NOVA1: variants seen among roughly 807,000 people sequenced by gnomAD.
NOVA1 encodes the protein NOVA alternative splicing regulator 1.
Under a neutral mutation model 38.0 loss-of-function variants are expected in NOVA1, and 7 were observed. That is an observed-to-expected ratio of 0.18 (90% confidence interval 0.10 to 0.35). The LOEUF (loss-of-function observed/expected upper bound fraction) is 0.35, where lower values mean the gene tolerates loss of function less well. Among genes scored for constraint, NOVA1 ranks in the 10% least tolerant of loss-of-function variants. The pLI is 1.00. For missense variants in NOVA1, 460 were observed against 616.0 expected (o/e 0.75, Z 2.68); for synonymous variants, 270 against 232.5 (o/e 1.16, Z -1.47).
At chr14:26,574,103 G>A (rs1892661382) in intron 2 of NOVA1, among the ~76,000 whole-genome samples, 1 of 143,422 alleles carries the variant, frequency 7.0e-6, no homozygotes, top group South Asian at 2.1e-4. Flanking sequence ...TCAGCTCACT[G>A]CAACCTCTGC....
At chr14:26,538,389 G>A (rs1594492937) in intron 2 of NOVA1, among the ~76,000 whole-genome samples, 1 of 151,808 alleles carries the variant, frequency 6.6e-6, no homozygotes, top group Non-Finnish European at 1.5e-5. Context: ...ATTTATTTTA[G>A]CAAAACTAAG....
chr14:26,567,780 T>A (rs1892224873), intron 2 of NOVA1, among the ~76,000 whole-genome samples: 1 of 152,214 alleles, frequency 6.6e-6, no homozygotes, highest in Admixed American at 6.5e-5. Flanking sequence ...ATGCTAACGA[T>A]CTGATAACAT....
chr14:26,498,793 G>T (rs1271247032), intron 2 of NOVA1, among the ~76,000 whole-genome samples: 2 of 152,284 alleles, frequency 1.3e-5, no homozygotes, highest in South Asian at 2.1e-4. Flanking sequence ...TTCTTTGATT[G>T]ATTGGAAAGG....
intron 2 of NOVA1, among the ~76,000 whole-genome samples, chr14:26,563,339 A>C (rs118012495): frequency 0.023 from 3,416 of 151,356 alleles, 130 homozygotes; most frequent in Admixed American, 0.1. Context: ...AAAAAAAAAA[A>C]CAGTAATAAT....
At position 26,466,298 on chromosome 14, in the gene NOVA1, C is replaced by T. The variant is rs535539170; in HGVS notation, c.519+6022G>A. Among the ~76,000 whole-genome samples the T allele has an allele frequency of 9.2e-5, 14 of 152,146 alleles. No individual in the cohort carries two copies. The South Asian group carries it at 1.9e-3, about 20-fold the overall frequency. Reference sequence around the variant, plus strand: ...TTTTGACATGTTGGCTTTTACTCAGCGAAACGGTAAACTATTTCAGGTGGC... The same window carrying T: ...TTTTGACATGTTGGCTTTTACTCAGTGAAACGGTAAACTATTTCAGGTGGC... On this transcript the variant is annotated intron_variant, in intron 4 of 4. Transcript: ENST00000539517.
At chr14:26,544,558 G>C (rs1890670369) in intron 2 of NOVA1, among the ~76,000 whole-genome samples, 1 of 151,768 alleles carries the variant, frequency 6.6e-6, no homozygotes, top group Admixed American at 6.6e-5. Context: ...CCCTCTTTGA[G>C]CAAGGTTGAT....
At chr14:26,519,242 C>T (rs1413115342) in intron 2 of NOVA1, 1 of 152,020 alleles carries the variant, frequency 6.6e-6, no homozygotes, top group Non-Finnish European at 1.5e-5. Flanking sequence ...TATTAAGTTA[C>T]ACTCACAAAT....
Position 26,500,747 on chromosome 14 carries a change from TTG to T in NOVA1, c.281-20606_281-20605del, listed in dbSNP as rs1019005776. Among the ~76,000 whole-genome samples, 6 of 152,114 alleles carry T rather than the reference TTG, an allele frequency of 3.9e-5. No homozygotes were observed. In the South Asian group the frequency reaches 1.0e-3, roughly 26 times the overall value. The stretch of plus-strand genomic sequence containing the variant: ...GTATTGTTTACAGTAAGAAATATAA[TTG>T]TGTTATATAATCATTTTGTTTTAAG... On this transcript the variant is annotated intron_variant, in intron 2 of 4. Transcript: ENST00000539517.
chr14:26,564,912 T>C (rs73601972), intron 2 of NOVA1, among the ~76,000 whole-genome samples: 9,090 of 152,232 alleles, frequency 0.06, 778 homozygotes, highest in African/African-American at 0.19. Flanking sequence ...TGGAAATCTT[T>C]CTAAAATGTA....
chr14:26,491,055 T>C (rs1327423511), intron 2 of NOVA1, among the ~76,000 whole-genome samples: 1 of 152,062 alleles, frequency 6.6e-6, no homozygotes, highest in African/African-American at 2.4e-5. Context: ...TTTCACCGTG[T>C]TAGCCAGGAT....
Position 26,504,348 on chromosome 14 carries a change from T to A in NOVA1, c.281-24205A>T, listed in dbSNP as rs114612773. 9.7e-3 allele frequency among the ~76,000 whole-genome samples: 1,482 copies of A among 152,318 alleles called. 23 individuals carry two copies. The highest frequency in any genetic ancestry group is 0.034 in the African/African-American group (1,409 of 41,570). ...CTTTGTATTTTCAATATACACACTTTTAATATGTAAATATAGAAACCTCAA... is the reference window on the plus strand; with the variant it reads ...CTTTGTATTTTCAATATACACACTTATAATATGTAAATATAGAAACCTCAA... On this transcript the variant is annotated intron_variant, in intron 2 of 4. Coordinates refer to ENST00000539517, the MANE Select transcript of NOVA1 (RefSeq NM_002515.3).
rs1163386210 is a variant in NOVA1, at chr14:26,590,731, T to G, written c.280+4679A>C. Reference sequence around the variant, plus strand: ...TAAGTATTGAACTATATCACCAACATGTTTAAACTATTCCTGAAATCCTTT... The same window carrying G: ...TAAGTATTGAACTATATCACCAACAGGTTTAAACTATTCCTGAAATCCTTT... On this transcript the variant is annotated intron_variant, in intron 2 of 4. Transcript: ENST00000539517. Among the ~76,000 whole-genome samples, 6 of 151,860 alleles carry G rather than the reference T, an allele frequency of 4.0e-5. No individual in the cohort carries two copies. The East Asian group carries it at 1.2e-3, about 29-fold the overall frequency.
chr14:26,511,597 C>T (rs1192838830), intron 2 of NOVA1, among the ~76,000 whole-genome samples: 1 of 151,942 alleles, frequency 6.6e-6, no homozygotes, highest in Non-Finnish European at 1.5e-5. Context: ...ACTAAAAATA[C>T]AAAAATTAGC....
chr14:26,448,239 T>G lies in NOVA1; in HGVS notation c.1244A>C (p.Lys415Thr). 1 of 1,614,238 alleles carries G rather than the reference T, an allele frequency of 6.2e-7. No individual in the cohort carries two copies. Among genetic ancestry groups the G allele is most frequent in the Non-Finnish European group, 8.5e-7 (1 of 1,180,042 alleles). Residue 415 changes from lysine to threonine, a missense_variant, in exon 5 of 5, where the codon AAG becomes ACG. By Grantham distance (78) the Lys-to-Thr change is moderately conservative (BLOSUM62 -1). Coordinates refer to ENST00000539517, the MANE Select transcript of NOVA1 (RefSeq NM_002515.3). This position sits in a 1 kb window ranked among gnomAD's most constrained non-coding sequence, Gnocchi z 5.3. ...TACATCCTTGGATCCATCTGTGGAC[T>G]TTTCTGTTCCTAGAATGGCACTGGC... is the stretch of plus-strand genomic sequence containing the variant. ...LAASAILGTE[K>T]STDGSKDVVE...
chr14:26,525,624 CA>C (rs1449245759), intron 2 of NOVA1, among the ~76,000 whole-genome samples: 1 of 152,060 alleles, frequency 6.6e-6, no homozygotes, highest in African/African-American at 2.4e-5. Context: ...AACATATTTC[CA>C]GGGGCTTCCA....
chr14:26,490,283 C>CTTT (rs1275058086), intron 2 of NOVA1, among the ~76,000 whole-genome samples: 2 of 152,054 alleles, frequency 1.3e-5, no homozygotes, highest in East Asian at 3.9e-4. Context: ...TTGTTTACAC[C>CTTT]TTTTGGCTAT....
intron 2 of NOVA1, among the ~76,000 whole-genome samples, chr14:26,502,756 T>C (rs1247148687): frequency 6.6e-6 from 1 of 151,966 alleles, no homozygotes; most frequent in Non-Finnish European, 1.5e-5. Flanking sequence ...ACAATTATAA[T>C]TTTTCCTAAG....
intron 2 of NOVA1, among the ~76,000 whole-genome samples, chr14:26,592,182 T>A (rs563469244): frequency 6.6e-6 from 1 of 151,684 alleles, no homozygotes; most frequent in South Asian, 2.1e-4. Flanking sequence ...ATCCATTAAA[T>A]AATTTTTACA....
At position 26,447,767 on chromosome 14, in the gene NOVA1, GA is replaced by G. The variant is rs1028222344; in HGVS notation, c.*191del. 5.0e-6 allele frequency: 3 copies of G among 602,648 alleles called. No individual in the cohort carries two copies. Among genetic ancestry groups the G allele is most frequent in the Non-Finnish European group, 8.8e-6 (3 of 339,448 alleles). The allele number at this position is 602,648 out of a possible 1,614,324, so 37.3% of individuals were successfully genotyped here. ...AAGTATAGAGAACAAAACAGATCAAGAAAAAATTCTTTCTATGAAACATCTG... is the reference window on the plus strand; with the variant it reads ...AAGTATAGAGAACAAAACAGATCAAGAAAAATTCTTTCTATGAAACATCTG... On this transcript the variant is annotated 3_prime_UTR_variant, in exon 5 of 5. Coordinates refer to ENST00000539517, the MANE Select transcript of NOVA1 (RefSeq NM_002515.3).
Sources: gnomAD v4.1 joint callset for allele counts (sites outside exome capture counted in the v4.1 genomes callset) on GRCh38, gnomAD v4.1.1 for gene constraint, Gnocchi (gnomAD v3.1) non-coding constraint, MANE v1.5 for transcripts, NCBI Gene and HGNC (gene_info 2026-07-23, HGNC 2026-07-21) for gene names.